DIP2B: variants seen among roughly 807,000 people sequenced by gnomAD.
DIP2B encodes the protein disco-interacting protein 2 homolog B.
DIP2B carries 76 observed loss-of-function variants against 198.0 expected under a neutral mutation model. That is an observed-to-expected ratio of 0.38 (90% CI 0.32 to 0.46). The LOEUF (loss-of-function observed/expected upper bound fraction) is 0.46, where lower values mean the gene tolerates loss of function less well. Ranked by LOEUF, DIP2B falls within the 20% of genes least tolerant of loss-of-function variation. The pLI is 0.99. For missense variants in DIP2B, 1,559 were observed against 1,978.4 expected (o/e 0.79, Z 4.02); for synonymous variants, 701 against 739.1 (o/e 0.95, Z 0.84).
chr12:50,742,423 C>A (rs111693409), intron 37 of DIP2B, among the ~76,000 whole-genome samples: 3,609 of 35,068 alleles, frequency 0.1, 247 homozygotes, highest in Non-Finnish European at 0.15. Context: ...AAAAAAAAAA[C>A]CACCTCTGTA....
chr12:50,695,499 A>G, intron 15 of DIP2B, 139 bp downstream of exon 15: 1 of 844,770 alleles, frequency 1.2e-6, no homozygotes, highest in South Asian at 1.7e-5. Context: ...AGAATTAGGT[A>G]CCTTGCCTGT....
Position 50,734,140 on chromosome 12 carries a change from C to T in DIP2B, c.3987C>T (p.Thr1329=). The change falls in exon 33 of 38, where the codon ACC becomes ACT. Residue 1329 remains threonine (T), a synonymous_variant. Transcript: ENST00000301180. ...RVNVAICLQG[T]SGPDPTTVYV... is the part of the protein sequence containing the mutation. ...ATTGATTTGTCTTTCTTTAGGGAAC[C>T]TCAGGGCCTGATCCGACTACTGTGT... The T allele has an allele frequency of 2.5e-6, 4 of 1,614,134 alleles. No homozygotes were observed. Among genetic ancestry groups the T allele is most frequent in the Non-Finnish European group, 2.5e-6 (3 of 1,180,020 alleles).
chr12:50,592,597 C>A (rs2139430887), intron 1 of DIP2B, among the ~76,000 whole-genome samples: 1 of 152,286 alleles, frequency 6.6e-6, no homozygotes, highest in South Asian at 2.1e-4. Context: ...CCTGCCTCAG[C>A]CTCCTGAGTA....
At chr12:50,714,638 T>C (rs1298376949) in intron 23 of DIP2B, 42 bp downstream of exon 23, 1 of 1,607,604 alleles carries the variant, frequency 6.2e-7, no homozygotes, top group Non-Finnish European at 8.5e-7. Context: ...AAATTCCAAC[T>C]TCAAGAAGCT....
chr12:50,623,529 G>GCACACACA (rs146613951), intron 1 of DIP2B, among the ~76,000 whole-genome samples: 2 of 104,576 alleles, frequency 1.9e-5, no homozygotes, highest in Non-Finnish European at 3.8e-5. Context: ...ACACACACAC[G>GCACACACA]CACACACACA....
chr12:50,716,982 G>GTTTTTTTTTTTA (rs1939735960), intron 23 of DIP2B, among the ~76,000 whole-genome samples: 1 of 3,168 alleles, frequency 3.2e-4, no homozygotes, highest in Non-Finnish European at 1.2e-3. Context: ...TTTTTTTTTT[G>GTTTTTTTTTTTA]AGACAGAGTT....
In DIP2B at chr12:50,591,744, G is replaced by A. The variant is rs189331776; in HGVS notation, c.101-34232G>A. On this transcript the variant is annotated intron_variant, in intron 1 of 37. Transcript: ENST00000301180. ...CAAAGTGCTGGAATAACAGGCTTGA[G>A]CCACCGTGCCCAGCCATATGATAAA... is the stretch of plus-strand genomic sequence containing the variant. Among the ~76,000 whole-genome samples the A allele has an allele frequency of 3.3e-5, 5 of 151,954 alleles. No individual in the cohort carries two copies. In the East Asian group the frequency reaches 9.7e-4, roughly 29 times the overall value.
intron 1 of DIP2B, among the ~76,000 whole-genome samples, chr12:50,512,825 G>C (rs767698576): frequency 6.6e-6 from 1 of 152,228 alleles, no homozygotes; most frequent in Non-Finnish European, 1.5e-5. Flanking sequence ...GGGCAACATG[G>C]TGAAACCCCG....
intron 1 of DIP2B, among the ~76,000 whole-genome samples, chr12:50,512,307 A>G (rs55939211): frequency 0.28 from 42,373 of 151,538 alleles, 6,570 homozygotes; most frequent in Non-Finnish European, 0.35. Flanking sequence ...GGGTTTCACT[A>G]TCTTGGCCAG....
intron 1 of DIP2B, among the ~76,000 whole-genome samples, chr12:50,519,517 G>A (rs1476807388): frequency 2.0e-5 from 3 of 152,178 alleles, no homozygotes; most frequent in Admixed American, 1.3e-4. Flanking sequence ...TTGAGATGGA[G>A]ATGATGAGAA....
At chr12:50,684,812 C>T (rs761951623) in intron 10 of DIP2B, among the ~76,000 whole-genome samples, 36 of 151,760 alleles carry the variant, frequency 2.4e-4, no homozygotes, top group African/African-American at 7.3e-4. Context: ...AGAAATCAGC[C>T]GGGCCGCAGT....
intron 1 of DIP2B, among the ~76,000 whole-genome samples, chr12:50,606,321 A>G (rs1248887177): frequency 1.3e-5 from 2 of 151,692 alleles, no homozygotes; most frequent in East Asian, 1.9e-4. Context: ...AGGTCTCACT[A>G]TGTTGCCCAA....
intron 34 of DIP2B, 89 bp from the exon 35 acceptor site, chr12:50,736,938 GCCTCTCTCA>G: frequency 8.6e-7 from 1 of 1,166,692 alleles, no homozygotes; most frequent in Non-Finnish European, 1.3e-6. Flanking sequence ...CGCCATGTGT[GCCTCTCTCA>G]CCTCTCCAGC....
chr12:50,672,235 A>G (rs965351981), intron 5 of DIP2B, among the ~76,000 whole-genome samples: 3 of 152,212 alleles, frequency 2.0e-5, no homozygotes, highest in Non-Finnish European at 4.4e-5. Flanking sequence ...AAAAACTTGG[A>G]AAAATTTCAA....
chr12:50,505,852 T>C (rs1296359730), intron 1 of DIP2B, among the ~76,000 whole-genome samples: 1 of 150,848 alleles, frequency 6.6e-6, no homozygotes, highest in East Asian at 2.1e-4. Context: ...ACCACCTTTG[T>C]CATAAGAAGT....
chr12:50,732,641 A>T, intron 32 of DIP2B, 105 bp downstream of exon 32: 1 of 1,409,784 alleles, frequency 7.1e-7, no homozygotes, highest in South Asian at 1.3e-5. Flanking sequence ...CCCCAGCCGC[A>T]CTTACTTGCT....
chr12:50,606,455 G>A (rs955075080), intron 1 of DIP2B, among the ~76,000 whole-genome samples: 5 of 152,164 alleles, frequency 3.3e-5, no homozygotes, highest in Non-Finnish European at 5.9e-5. Flanking sequence ...AATATTGCGA[G>A]GATATACCAT....
chr12:50,540,053 G>GTTTT (rs60978324), intron 1 of DIP2B, among the ~76,000 whole-genome samples: 25 of 44,146 alleles, frequency 5.7e-4, no homozygotes, highest in East Asian at 3.1e-3. Flanking sequence ...TTGTTTCTGT[G>GTTTT]TTTTTTTTTT....
At chr12:50,642,872 T>C (rs7961711) in intron 3 of DIP2B, among the ~76,000 whole-genome samples, 2 of 152,170 alleles carry the variant, frequency 1.3e-5, no homozygotes, top group Admixed American at 1.3e-4. Flanking sequence ...AGCATTCAGG[T>C]GCACCCCTTT....
Sources: allele counts gnomAD v4.1 joint callset (sites outside exome capture counted in the v4.1 genomes callset), GRCh38; gene constraint gnomAD v4.1.1; transcripts MANE v1.5; gene names NCBI Gene and HGNC (gene_info 2026-07-23, HGNC 2026-07-21).